Variants in EXOC4 observed in about 807,000 individuals in gnomAD.
The protein encoded by EXOC4 is SEC8-like 1.
In EXOC4, 71 loss-of-function variants were observed where a neutral mutation model predicts 107.2. The ratio of observed to expected loss-of-function variants is 0.66; its 90% confidence interval spans 0.55 to 0.81. The LOEUF (loss-of-function observed/expected upper bound fraction) is 0.81, where lower values mean the gene tolerates loss of function less well. EXOC4 is among the 30% of genes least tolerant of loss of function. The probability of loss-of-function intolerance (pLI) is 0.00; values close to 1 mark genes in which losing one functional copy is unlikely to be tolerated. For synonymous variants in EXOC4, 456 were observed against 441.2 expected, an observed-to-expected ratio of 1.03 and a Z score of -0.42; for missense variants, 1,108 against 1,189.6, an observed-to-expected ratio of 0.93 and a Z score of 1.01.
At chr7:133,620,210 AG>A (rs921090720) in intron 9 of EXOC4, among the ~76,000 whole-genome samples, 5 of 152,064 alleles carry the variant, frequency 3.3e-5, no homozygotes, top group Admixed American at 6.6e-5. Flanking sequence ...TATTTTTAAT[AG>A]AGACCAGGTT....
rs568559085 is a variant in EXOC4 at position 133,697,963 on chromosome 7, C to A, written c.1514+67822C>A. On this transcript the variant is annotated intron_variant, in intron 10 of 17. Coordinates refer to ENST00000253861, the MANE Select transcript of EXOC4 (RefSeq NM_021807.4). Reference sequence around the variant, plus strand: ...AGAAAGGACTCAGAGGAGGCTGGCTCAAGTTTAGGTCAATGAAGAGAGTCT... The same window carrying A: ...AGAAAGGACTCAGAGGAGGCTGGCTAAAGTTTAGGTCAATGAAGAGAGTCT... 1.4e-4 allele frequency among the ~76,000 whole-genome samples: 21 copies of A among 152,206 alleles called. No individual in the cohort carries two copies. The South Asian group carries it at 3.3e-3, about 24-fold the overall frequency.
At chr7:133,696,805 T>A (rs1190886738) in intron 10 of EXOC4, among the ~76,000 whole-genome samples, 1 of 152,240 alleles carries the variant, frequency 6.6e-6, no homozygotes, top group Admixed American at 6.5e-5. Flanking sequence ...CATCAGCCTC[T>A]CCCTTACTAT....
intron 9 of EXOC4, among the ~76,000 whole-genome samples, chr7:133,604,559 C>T (rs564381707): frequency 3.3e-5 from 5 of 152,192 alleles, no homozygotes; most frequent in African/African-American, 1.2e-4. Context: ...TGAAACATCA[C>T]TGTATGTATG....
At chr7:134,078,507 C>G in the EXOC4 span, among the ~76,000 whole-genome samples, 1 of 152,194 alleles carries the variant, frequency 6.6e-6, no homozygotes, top group African/African-American at 2.4e-5. Context: ...CCATTTATTA[C>G]CCATCCTCAG....
chr7:133,590,185 T>C (rs1801507698), intron 9 of EXOC4, among the ~76,000 whole-genome samples: 1 of 152,168 alleles, frequency 6.6e-6, no homozygotes, highest in Admixed American at 6.6e-5. Context: ...GTGGGCATGC[T>C]CAGGCAAGAC....
chr7:133,648,813 TGAGGGG>T (rs1301075707), intron 10 of EXOC4, among the ~76,000 whole-genome samples: 10 of 152,210 alleles, frequency 6.6e-5, no homozygotes, highest in Non-Finnish European at 1.5e-4. Flanking sequence ...ATATTTCGTT[TGAGGGG>T]CAGTTAAAAA....
At chr7:134,007,861 T>G (rs200325703) in intron 17 of EXOC4, 26 bp downstream of exon 17, 31 of 1,597,274 alleles carry the variant, frequency 1.9e-5, no homozygotes, top group Non-Finnish European at 2.5e-5. Flanking sequence ...GGGTTTAGTT[T>G]CTTATGCCAA....
chr7:133,465,400 G>A (rs1016071469), intron 7 of EXOC4, among the ~76,000 whole-genome samples: 1 of 152,126 alleles, frequency 6.6e-6, no homozygotes, highest in Non-Finnish European at 1.5e-5. Context: ...AATACATGGA[G>A]GAAAAATTGA....
At chr7:133,655,578 T>G (rs1008959508) in intron 10 of EXOC4, among the ~76,000 whole-genome samples, 1 of 152,240 alleles carries the variant, frequency 6.6e-6, no homozygotes, top group Non-Finnish European at 1.5e-5. Context: ...CTTTTTAAAA[T>G]TTTTGTTAAA....
At chr7:133,595,693 G>A (rs1462538441) in intron 9 of EXOC4, among the ~76,000 whole-genome samples, 1 of 152,142 alleles carries the variant, frequency 6.6e-6, no homozygotes, top group Non-Finnish European at 1.5e-5. Flanking sequence ...ATCAGTGCAA[G>A]GTCACATAAT....
chr7:133,688,273 G>A lies in EXOC4; in HGVS notation c.1514+58132G>A, dbSNP rs551273029. The stretch of plus-strand genomic sequence containing the variant: ...TGTAGGCACACAGTGCATGGAATAG[G>A]CATTTCATTATGTTCATATCTACCT... On this transcript the variant is annotated intron_variant, in intron 10 of 17. Transcript: ENST00000253861. 1.3e-3 allele frequency among the ~76,000 whole-genome samples: 203 copies of A among 152,206 alleles called. 1 individual carries two copies. The highest frequency in any genetic ancestry group is 4.5e-3 in the African/African-American group (188 of 41,530).
chr7:133,778,059 G>T (rs1262178053), intron 10 of EXOC4, among the ~76,000 whole-genome samples: 1 of 152,046 alleles, frequency 6.6e-6, no homozygotes, highest in African/African-American at 2.4e-5. Context: ...AAATATACTT[G>T]ATTGAGAATT....
chr7:133,323,474 G>T (rs187875598), intron 5 of EXOC4, among the ~76,000 whole-genome samples: 3 of 152,074 alleles, frequency 2.0e-5, no homozygotes, highest in African/African-American at 4.8e-5. Context: ...ATACTCATGT[G>T]GTTTTTGTCT....
chr7:133,501,338 G>T (rs1799572983), intron 9 of EXOC4, among the ~76,000 whole-genome samples: 1 of 152,094 alleles, frequency 6.6e-6, no homozygotes, highest in African/African-American at 2.4e-5. Flanking sequence ...ACAGACTGTA[G>T]ATTAAAACTT....
intron 9 of EXOC4, among the ~76,000 whole-genome samples, chr7:133,513,590 C>T (rs1478125880): frequency 6.6e-6 from 1 of 151,956 alleles, no homozygotes; most frequent in East Asian, 1.9e-4. Flanking sequence ...TTTTTGTGTT[C>T]TTGGGTCTGA....
chr7:133,301,773 C>G (rs1794646173), intron 3 of EXOC4, among the ~76,000 whole-genome samples: 1 of 152,072 alleles, frequency 6.6e-6, no homozygotes. Context: ...CTCACCTCAA[C>G]TAGAAAAATA....
At chr7:133,444,519 A>G (rs1404378570) in intron 7 of EXOC4, among the ~76,000 whole-genome samples, 1 of 152,146 alleles carries the variant, frequency 6.6e-6, no homozygotes, top group East Asian at 1.9e-4. Flanking sequence ...GCATGTGGAG[A>G]CGGTAAACTA....
chr7:133,518,615 G>A (rs1799925010), intron 9 of EXOC4, among the ~76,000 whole-genome samples: 1 of 152,056 alleles, frequency 6.6e-6, no homozygotes, highest in South Asian at 2.1e-4. Context: ...TGGATAAATG[G>A]AAAAATAAAA....
At chr7:133,845,634 A>G (rs541974556) in intron 11 of EXOC4, among the ~76,000 whole-genome samples, 4 of 152,110 alleles carry the variant, frequency 2.6e-5, no homozygotes, top group Admixed American at 6.5e-5. Context: ...TTCCTGCCAC[A>G]TATCTCAGCC....
Sources: allele counts gnomAD v4.1 joint callset (sites outside exome capture counted in the v4.1 genomes callset), GRCh38; gene constraint gnomAD v4.1.1; transcripts MANE v1.5; gene names NCBI Gene and HGNC (gene_info 2026-07-23, HGNC 2026-07-21).